Variants in AKAP13 observed in about 807,000 individuals in gnomAD.
AKAP13 encodes A-kinase anchoring protein 13, also known as A-kinase anchor protein 13.
AKAP13 carries 80 observed loss-of-function variants against 264.5 expected under a neutral mutation model. That is an observed-to-expected ratio of 0.30 (90% CI 0.25 to 0.36). The LOEUF is 0.36. Among genes scored for constraint, AKAP13 ranks in the 10% least tolerant of loss-of-function variants. AKAP13 has a pLI of 1.00. For synonymous variants in AKAP13, 1,380 were observed against 1,250.2 expected (o/e 1.10, Z -2.19); for missense variants, 3,712 against 3,435.2 (o/e 1.08, Z -2.01).
intron 5 of AKAP13, among the ~76,000 whole-genome samples, chr15:85,556,270 C>T (rs1027653552): frequency 3.9e-5 from 6 of 152,190 alleles, no homozygotes; most frequent in East Asian, 1.9e-4. Context: ...AAATATGTAC[C>T]GTACATAATT....
chr15:85,417,212 C>T (rs945003399), intron 1 of AKAP13, among the ~76,000 whole-genome samples: 1 of 152,158 alleles, frequency 6.6e-6, no homozygotes, highest in African/African-American at 2.4e-5. Context: ...TTATCCTAGG[C>T]AGGAGCCAGC....
intron 1 of AKAP13, among the ~76,000 whole-genome samples, chr15:85,399,572 TAA>T (rs1156610112): frequency 1.4e-5 from 2 of 145,054 alleles, no homozygotes; most frequent in African/African-American, 2.6e-5. Flanking sequence ...TTAGATGCCA[TAA>T]GATAATTACT....
chr15:85,514,184 A>G (rs1475910177), intron 2 of AKAP13, among the ~76,000 whole-genome samples: 1 of 137,208 alleles, frequency 7.3e-6, no homozygotes, highest in African/African-American at 3.0e-5. Context: ...TAATTTTACT[A>G]TTCCAGCAAT....
At chr15:85,632,889 C>T (rs114378519) in intron 8 of AKAP13, among the ~76,000 whole-genome samples, 10,519 of 150,620 alleles carry the variant, frequency 0.07, 389 homozygotes, top group African/African-American at 0.083. Context: ...TTTTTTGAGG[C>T]GGAATCTTGC....
intron 5 of AKAP13, among the ~76,000 whole-genome samples, chr15:85,551,976 A>G (rs537257936): frequency 2.0e-5 from 3 of 152,360 alleles, no homozygotes; most frequent in East Asian, 3.9e-4. Context: ...AATAGAAGTG[A>G]TTGGGGAAAC....
At chr15:85,643,921 G>A (rs758824234) in intron 9 of AKAP13, among the ~76,000 whole-genome samples, 2 of 152,160 alleles carry the variant, frequency 1.3e-5, no homozygotes, top group Non-Finnish European at 2.9e-5. Flanking sequence ...GTACAGTCCC[G>A]AGGGTGTGGT....
intron 33 of AKAP13, 73 bp downstream of exon 33, chr15:85,736,207 C>G (rs1386664774): frequency 1.9e-6 from 2 of 1,058,048 alleles, no homozygotes; most frequent in African/African-American, 3.4e-5. Flanking sequence ...TTGTTTTTTC[C>G]TTTTTTTTTT....
chr15:85,428,785 G>A (rs1300773383), intron 1 of AKAP13, among the ~76,000 whole-genome samples: 1 of 152,174 alleles, frequency 6.6e-6, no homozygotes, highest in Non-Finnish European at 1.5e-5. Flanking sequence ...AAATACCCCT[G>A]AGAAAGCACA....
At chr15:85,726,254 A>G in intron 26 of AKAP13, 156 bp from the exon 27 acceptor site, 1 of 543,256 alleles carries the variant, frequency 1.8e-6, no homozygotes. Context: ...AGAACTGTAA[A>G]ACTGTTGCTT....
intron 2 of AKAP13, among the ~76,000 whole-genome samples, chr15:85,506,136 A>C (rs555452918): frequency 1.4e-3 from 211 of 152,222 alleles, no homozygotes; most frequent in African/African-American, 4.8e-3. Context: ...GTCTCTACTA[A>C]TACAGAAAAA....
chr15:85,728,220 G>A (rs940552328), intron 29 of AKAP13, among the ~76,000 whole-genome samples: 2 of 152,156 alleles, frequency 1.3e-5, no homozygotes, highest in Non-Finnish European at 2.9e-5. Context: ...GTGGCTTATC[G>A]AATGTTTCAA....
chr15:85,421,597 G>C (rs2150900814), intron 1 of AKAP13, among the ~76,000 whole-genome samples: 1 of 152,378 alleles, frequency 6.6e-6, no homozygotes, highest in Non-Finnish European at 1.5e-5. Flanking sequence ...GCGCGCGCCT[G>C]TGCACACTCT....
At chr15:85,632,627 A>G (rs944793926) in intron 8 of AKAP13, among the ~76,000 whole-genome samples, 12 of 152,316 alleles carry the variant, frequency 7.9e-5, no homozygotes, top group Non-Finnish European at 1.6e-4. Context: ...ACTGTTACTC[A>G]GAAATTAGCA....
chr15:85,572,890 A>C (rs12913268), intron 5 of AKAP13, among the ~76,000 whole-genome samples: 1 of 151,930 alleles, frequency 6.6e-6, no homozygotes, highest in East Asian at 1.9e-4. Flanking sequence ...TTATTGTTCA[A>C]CTCCCACTTA....
At chr15:85,389,923 G>A (rs776013845) in intron 1 of AKAP13, 19 of 152,192 alleles carry the variant, frequency 1.2e-4, no homozygotes, top group Non-Finnish European at 2.5e-4. Context: ...TTGCTTTTGC[G>A]TTTTTGTTTC....
chr15:85,482,656 A>ACC (rs1384621701), intron 1 of AKAP13, among the ~76,000 whole-genome samples: 4 of 152,182 alleles, frequency 2.6e-5, no homozygotes. Flanking sequence ...TCTCCAACTT[A>ACC]CCCTTTGACC....
intron 18 of AKAP13, 145 bp from the exon 19 acceptor site, chr15:85,710,434 G>A: frequency 1.6e-6 from 1 of 630,288 alleles, no homozygotes; most frequent in Non-Finnish European, 2.7e-6. Context: ...GCAATTGGGG[G>A]CGACCGTGGC....
chr15:85,676,852 C>A, intron 14 of AKAP13: 2 of 756,822 alleles, frequency 2.6e-6, no homozygotes, highest in Non-Finnish European at 3.2e-6. Context: ...ATTATTACAT[C>A]ATTCACCTAG....
chr15:85,502,069 G>C (rs2076051725), intron 2 of AKAP13, among the ~76,000 whole-genome samples: 1 of 152,170 alleles, frequency 6.6e-6, no homozygotes, highest in African/African-American at 2.4e-5. Context: ...AACCCAGATT[G>C]CTGGGCCACA....
Sources: gnomAD v4.1 joint callset for allele counts (sites outside exome capture counted in the v4.1 genomes callset) on GRCh38, gnomAD v4.1.1 for gene constraint, MANE v1.5 for transcripts, NCBI Gene and HGNC (gene_info 2026-07-23, HGNC 2026-07-21) for gene names.